The following CREB3L2 variants were observed in gnomAD, a reference collection of about 807,000 sequenced individuals.
CREB3L2 encodes the protein cAMP responsive element binding protein 3 like 2, also known as cyclic AMP-responsive element-binding protein 3-like protein 2.
Under a neutral mutation model 57.2 loss-of-function variants are expected in CREB3L2, and 23 were observed. That is an observed-to-expected ratio of 0.40 (90% CI 0.29 to 0.57). CREB3L2 has a LOEUF of 0.57. Among genes scored for constraint, CREB3L2 ranks in the 20% least tolerant of loss-of-function variants. The pLI is 0.42. For missense variants in CREB3L2, 628 were observed against 634.7 expected (o/e 0.99, Z 0.11); for synonymous variants, 268 against 265.1 (o/e 1.01, Z -0.11).
intron 1 of CREB3L2, among the ~76,000 whole-genome samples, chr7:137,984,583 T>A (rs565270041): frequency 6.6e-6 from 1 of 152,334 alleles, no homozygotes; most frequent in South Asian, 2.1e-4. Flanking sequence ...ATGAGATAAA[T>A]AGGCCCTTAC....
chr7:137,924,398 A>C (rs1296313308), intron 2 of CREB3L2, among the ~76,000 whole-genome samples: 4 of 152,206 alleles, frequency 2.6e-5, no homozygotes, highest in African/African-American at 9.6e-5. Flanking sequence ...TTTCTTCTTT[A>C]GGAAGAACAC....
At chr7:137,945,610 T>C (rs1245978985) in intron 1 of CREB3L2, among the ~76,000 whole-genome samples, 2 of 152,350 alleles carry the variant, frequency 1.3e-5, no homozygotes, top group South Asian at 2.1e-4. Context: ...TCACAGATCC[T>C]TTTTCCTCTG....
intron 1 of CREB3L2, among the ~76,000 whole-genome samples, chr7:137,963,225 G>C (rs1397873862): frequency 6.6e-6 from 1 of 152,168 alleles, no homozygotes; most frequent in Non-Finnish European, 1.5e-5. Flanking sequence ...CTCTCCGGAG[G>C]CTCTAAGCCA....
chr7:137,986,812 T>C (rs1483825449), intron 1 of CREB3L2, among the ~76,000 whole-genome samples: 1 of 152,202 alleles, frequency 6.6e-6, no homozygotes, highest in East Asian at 1.9e-4. Flanking sequence ...GTGCCTCATG[T>C]TCCTCAGCTT....
intron 1 of CREB3L2, among the ~76,000 whole-genome samples, chr7:137,962,559 C>T (rs1487877176): frequency 1.3e-5 from 2 of 152,048 alleles, no homozygotes; most frequent in Non-Finnish European, 2.9e-5. Flanking sequence ...GGGCTGATTG[C>T]ACCTTCACTG....
intron 8 of CREB3L2, among the ~76,000 whole-genome samples, chr7:137,899,000 A>G (rs1330617611): frequency 2.1e-5 from 3 of 146,190 alleles, no homozygotes; most frequent in Non-Finnish European, 3.0e-5. Context: ...GGGAGAAAGG[A>G]AGGAGAAGGG....
chr7:137,981,647 G>A (rs1801713610), intron 1 of CREB3L2, among the ~76,000 whole-genome samples: 1 of 152,234 alleles, frequency 6.6e-6, no homozygotes, highest in South Asian at 2.1e-4. Flanking sequence ...TTTAGCTCAA[G>A]GAGGGATGAA....
chr7:137,904,060 T>C (rs771891709), intron 6 of CREB3L2, 43 bp from the exon 7 acceptor site: 2 of 1,529,724 alleles, frequency 1.3e-6, no homozygotes, highest in South Asian at 1.1e-5. Context: ...TTTCCAGCTC[T>C]GTAAGTAAAC....
At position 137,969,662 on chromosome 7, in the gene CREB3L2, T is replaced by C. The variant is rs540640120; in HGVS notation, c.102+31942A>G. Among the ~76,000 whole-genome samples the C allele has an allele frequency of 7.2e-5, 11 of 152,080 alleles. No homozygotes were observed. In the South Asian group the frequency reaches 1.2e-3, roughly 17 times the overall value. ...CACCGCGTCCGGCCTATGATTTTCA[T>C]TGAGGTTGTTTAGCAGAATTTTTTT... On this transcript the variant is annotated intron_variant, in intron 1 of 11. Coordinates refer to ENST00000330387, the MANE Select transcript of CREB3L2 (RefSeq NM_194071.4).
chr7:137,965,795 A>T (rs1260543311), intron 1 of CREB3L2, among the ~76,000 whole-genome samples: 1 of 152,202 alleles, frequency 6.6e-6, no homozygotes, highest in East Asian at 1.9e-4. Context: ...AGGAGGAGCA[A>T]AACAAAGTGC....
chr7:137,891,742 AT>A (rs560166069), intron 8 of CREB3L2, among the ~76,000 whole-genome samples: 3 of 151,724 alleles, frequency 2.0e-5, no homozygotes, highest in Non-Finnish European at 4.4e-5. Context: ...CGCCCGGCTA[AT>A]TTTTTTTGTA....
At chr7:137,977,054 GA>G (rs1198011150) in intron 1 of CREB3L2, among the ~76,000 whole-genome samples, 29 of 152,278 alleles carry the variant, frequency 1.9e-4, no homozygotes, top group African/African-American at 6.7e-4. Context: ...TGCAGAAGGG[GA>G]AATTCAGGTC....
At chr7:137,906,696 C>T (rs6467724) in intron 5 of CREB3L2, among the ~76,000 whole-genome samples, 7,744 of 152,268 alleles carry the variant, frequency 0.051, 417 homozygotes, top group Admixed American at 0.16. Flanking sequence ...GGGAGGGACC[C>T]AGTGGGAGAT....
chr7:137,888,542 ACTCT>A (rs1397311323), intron 8 of CREB3L2, among the ~76,000 whole-genome samples: 1 of 151,530 alleles, frequency 6.6e-6, no homozygotes, highest in Non-Finnish European at 1.5e-5. Flanking sequence ...CATATATTTG[ACTCT>A]CTATCACCTG....
intron 6 of CREB3L2, among the ~76,000 whole-genome samples, 161 bp downstream of exon 6, chr7:137,905,541 G>A (rs1456311651): frequency 1.3e-5 from 2 of 152,016 alleles, no homozygotes; most frequent in Non-Finnish European, 2.9e-5. Context: ...AGAGGGGCAC[G>A]TGGTGAGGGT....
At chr7:137,916,502 G>A (rs1254300393) in intron 2 of CREB3L2, among the ~76,000 whole-genome samples, 2 of 152,158 alleles carry the variant, frequency 1.3e-5, no homozygotes, top group South Asian at 4.1e-4. Context: ...AATTGCTTGA[G>A]CCCATGAGTT....
chr7:137,981,582 T>C (rs1801712382), intron 1 of CREB3L2, among the ~76,000 whole-genome samples: 2 of 152,130 alleles, frequency 1.3e-5, no homozygotes, highest in Non-Finnish European at 2.9e-5. Flanking sequence ...ACCAAAAATA[T>C]ATACCCATGA....
At chr7:137,999,825 T>G (rs1802047069) in intron 1 of CREB3L2, 1 of 152,182 alleles carries the variant, frequency 6.6e-6, no homozygotes, top group African/African-American at 2.4e-5. Context: ...GTGGAGGACA[T>G]AATAAGCATT....
chr7:137,875,701 G>A lies in CREB3L2; in HGVS notation c.*4775C>T. 1 of 178,464 alleles carries A rather than the reference G, an allele frequency of 5.6e-6. No homozygotes were observed. Among genetic ancestry groups the A allele is most frequent in the Non-Finnish European group, 1.2e-5 (1 of 84,818 alleles). 11.1% of individuals were successfully genotyped at this position (178,464 alleles called of 1,614,324 possible). On this transcript the variant is annotated 3_prime_UTR_variant, in exon 12 of 12. Coordinates refer to ENST00000330387, the MANE Select transcript of CREB3L2 (RefSeq NM_194071.4). Reference sequence around the variant, plus strand: ...AATCGGCTCAGCTAGTCCAGAAATTGCTGCATTTCCCATATTACTTAGTTC... The same window carrying A: ...AATCGGCTCAGCTAGTCCAGAAATTACTGCATTTCCCATATTACTTAGTTC...
Sources: allele counts gnomAD v4.1 joint callset (sites outside exome capture counted in the v4.1 genomes callset), GRCh38; gene constraint gnomAD v4.1.1; transcripts MANE v1.5; gene names NCBI Gene and HGNC (gene_info 2026-07-23, HGNC 2026-07-21).